Variants in DHRS4 observed in about 807,000 individuals in gnomAD.
The protein encoded by DHRS4 is dehydrogenase/reductase SDR family member 4.
DHRS4 carries 20 observed loss-of-function variants against 28.4 expected under a neutral mutation model. That is an observed-to-expected ratio of 0.71 (90% CI 0.50 to 1.02). The LOEUF (loss-of-function observed/expected upper bound fraction) is 1.02, where lower values mean the gene tolerates loss of function less well. DHRS4 is among the 50% of genes least tolerant of loss of function. DHRS4 has a pLI of 0.00. For missense variants in DHRS4, 378 were observed against 367.2 expected (o/e 1.03, Z -0.24); for synonymous variants, 144 against 146.4 (o/e 0.98, Z 0.12).
chr14:23,955,627 G>C (rs2033105153), intron 2 of DHRS4, among the ~76,000 whole-genome samples: 2 of 151,872 alleles, frequency 1.3e-5, no homozygotes, highest in Non-Finnish European at 2.9e-5. Context: ...CCTGTGTTCA[G>C]AGCCTTACAC....
intron 3 of DHRS4, among the ~76,000 whole-genome samples, chr14:23,964,075 A>T (rs1016103765): frequency 1.3e-5 from 2 of 151,182 alleles, no homozygotes; most frequent in African/African-American, 4.9e-5. Flanking sequence ...ATCACTCATC[A>T]CAGATCACCG....
At chr14:23,966,445 T>C in intron 6 of DHRS4, 28 bp downstream of exon 6, 2 of 1,612,648 alleles carry the variant, frequency 1.2e-6, no homozygotes, top group South Asian at 1.1e-5. Flanking sequence ...TGCATTTGAC[T>C]GGGACCCCTT....
chr14:23,960,348 T>G (rs2033366608), intron 3 of DHRS4, among the ~76,000 whole-genome samples: 1 of 152,078 alleles, frequency 6.6e-6, no homozygotes, highest in Admixed American at 6.6e-5. Context: ...CAACACTTAA[T>G]TTACACACCC....
At chr14:23,959,843 G>A (rs2033335852) in intron 2 of DHRS4, 59 bp from the exon 3 acceptor site, 8 of 1,581,142 alleles carry the variant, frequency 5.1e-6, no homozygotes, top group Middle Eastern at 1.7e-4. Flanking sequence ...TATCAACATG[G>A]GTAAATGCAC....
chr14:23,968,412 T>A (rs1259397633), intron 7 of DHRS4, among the ~76,000 whole-genome samples: 2 of 150,748 alleles, frequency 1.3e-5, no homozygotes, highest in East Asian at 3.9e-4. Flanking sequence ...CCTGATACTT[T>A]AGTGTGTGCA....
intron 2 of DHRS4, among the ~76,000 whole-genome samples, chr14:23,956,987 A>G (rs1453591498): frequency 1.3e-5 from 2 of 152,236 alleles, no homozygotes; most frequent in African/African-American, 4.8e-5. Flanking sequence ...GTAGCAAATA[A>G]GAAGCCATGT....
rs1353157976 is a variant in DHRS4, at chr14:23,955,143, G to A, written c.237G>A (p.Glu79=). ...VDQAVATLQG[E]GLSVTGTVCH... ...AGGCGGTGGCCACGCTGCAGGGGGA[G>A]GGGCTGAGCGTGACGGGCACCGTGT... The change falls in exon 2 of 8, where the codon GAG becomes GAA. Residue 79 remains glutamate, a synonymous_variant. Transcript: ENST00000313250. The A allele has an allele frequency of 1.2e-6, 2 of 1,614,008 alleles. No homozygotes were observed. Among genetic ancestry groups the A allele is most frequent in the Middle Eastern group, 1.6e-4 (1 of 6,062 alleles).
intron 3 of DHRS4, among the ~76,000 whole-genome samples, chr14:23,964,247 A>AAAACAAAAAAC (rs2033532344): frequency 7.7e-6 from 1 of 129,720 alleles, no homozygotes; most frequent in African/African-American, 3.3e-5. Flanking sequence ...AAAAAAAAAA[A>AAAACAAAAAAC]AAAAAAACAC....
chr14:23,966,085 C>T (rs2033604878), intron 5 of DHRS4, 102 bp downstream of exon 5: 4 of 1,601,972 alleles, frequency 2.5e-6, no homozygotes, highest in African/African-American at 2.7e-5. Flanking sequence ...TAGAATCACA[C>T]CACCAAGTCC....
At chr14:23,967,155 A>T in intron 6 of DHRS4, 56 bp from the exon 7 acceptor site, 1 of 1,551,896 alleles carries the variant, frequency 6.4e-7, no homozygotes, top group East Asian at 2.4e-5. Context: ...CTCCGTCTCT[A>T]AAAAGAAAAA....
rs766192116 is a variant in DHRS4, at chr14:23,968,903, G to A, written c.*32G>A. On this transcript the variant is annotated 3_prime_UTR_variant, in exon 8 of 8. Transcript: ENST00000313250. The stretch of plus-strand genomic sequence containing the variant: ...GGAGACAGCCCACAGGCCAGAGTTG[G>A]GCTCTAGCTCCTGGTGCTGTTCCCG... The A allele has an allele frequency of 1.3e-5, 21 of 1,605,384 alleles. No homozygotes were observed. In the South Asian group the frequency reaches 1.4e-4, roughly 11 times the overall value.
intron 1 of DHRS4, 134 bp downstream of exon 1, chr14:23,954,050 C>G (rs1267733300): frequency 1.4e-6 from 2 of 1,410,676 alleles, no homozygotes. Context: ...AAAAGGTAGC[C>G]ACGTGGTCCG....
At chr14:23,965,135 T>C (rs2033570753) in intron 3 of DHRS4, among the ~76,000 whole-genome samples, 1 of 149,684 alleles carries the variant, frequency 6.7e-6, no homozygotes, top group Non-Finnish European at 1.5e-5. Context: ...TAAGCAGTTG[T>C]CTAGAACAGT....
At chr14:23,959,019 T>A (rs935427745) in intron 2 of DHRS4, among the ~76,000 whole-genome samples, 7 of 152,150 alleles carry the variant, frequency 4.6e-5, no homozygotes, top group South Asian at 4.1e-4. Flanking sequence ...TTTAAGCCAG[T>A]TTTTCCATTC....
intron 3 of DHRS4, among the ~76,000 whole-genome samples, chr14:23,960,761 T>C (rs1454830352): frequency 6.6e-6 from 1 of 152,110 alleles, no homozygotes; most frequent in Non-Finnish European, 1.5e-5. Flanking sequence ...ACTGATGTTG[T>C]ATTAGTCTGT....
At chr14:23,967,169 A>G (rs1366029575) in intron 6 of DHRS4, 42 bp from the exon 7 acceptor site, 4 of 1,572,308 alleles carry the variant, frequency 2.5e-6, no homozygotes, top group African/African-American at 1.4e-5. Context: ...AGAAAAAGAA[A>G]AAGAAAAAAA....
At chr14:23,958,063 T>A (rs1284294403) in intron 2 of DHRS4, among the ~76,000 whole-genome samples, 2 of 151,982 alleles carry the variant, frequency 1.3e-5, no homozygotes, top group Non-Finnish European at 2.9e-5. Flanking sequence ...ACTCTGCACC[T>A]CCCTAGTAAC....
rs2033744476 is a variant in DHRS4 at position 23,968,820 on chromosome 14, C to T, written c.786C>T (p.Tyr262=). The change falls in exon 8 of 8, where the codon TAC becomes TAT. Residue 262 remains tyrosine, a synonymous_variant. Transcript: ENST00000313250. ...TCCTGTGCTCTGAAGATGCCAGCTA[C>T]ATCACTGGGGAAACAGTGGTGGTGG... ...VSFLCSEDAS[Y]ITGETVVVGG... is the part of the protein sequence containing the mutation. 6.2e-7 allele frequency: 1 copy of T among 1,610,962 alleles called. No individual in the cohort carries two copies. The highest frequency in any genetic ancestry group is 1.1e-5 in the South Asian group (1 of 90,610).
intron 2 of DHRS4, among the ~76,000 whole-genome samples, chr14:23,958,347 G>A (rs1022317915): frequency 1.2e-4 from 19 of 152,090 alleles, no homozygotes; most frequent in South Asian, 8.3e-4. Flanking sequence ...TGCCAAATCC[G>A]GAGCACAAAG....
Sources: allele counts gnomAD v4.1 joint callset (sites outside exome capture counted in the v4.1 genomes callset), GRCh38; gene constraint gnomAD v4.1.1; transcripts MANE v1.5; gene names NCBI Gene and HGNC (gene_info 2026-07-23, HGNC 2026-07-21).